Variants in SHANK2 observed in about 807,000 individuals in gnomAD.
SHANK2 encodes SH3 and multiple ankyrin repeat domains protein 2.
A neutral mutation model predicts 133.7 loss-of-function variants in SHANK2; 43 were observed. The ratio of observed to expected loss-of-function variants is 0.32; its 90% CI spans 0.25 to 0.41. The LOEUF is 0.41. Among genes scored for constraint, SHANK2 ranks in the 10% least tolerant of loss-of-function variants. The probability of loss-of-function intolerance (pLI) is 1.00; values close to 1 mark genes in which losing one functional copy is unlikely to be tolerated. For missense variants in SHANK2, 1,994 were observed against 2,235.8 expected (o/e 0.89, Z 2.18); for synonymous variants, 1,017 against 952.8 (o/e 1.07, Z -1.24).
intron 14 of SHANK2, among the ~76,000 whole-genome samples, chr11:70,765,480 G>A (rs1403135694): frequency 6.6e-6 from 1 of 152,226 alleles, no homozygotes; most frequent in Non-Finnish European, 1.5e-5. Context: ...AAAAGAGAAT[G>A]AGAGCTTCTT....
At chr11:70,932,815 G>A (rs945851856) in intron 10 of SHANK2, among the ~76,000 whole-genome samples, 7 of 152,058 alleles carry the variant, frequency 4.6e-5, no homozygotes, top group African/African-American at 1.2e-4. Flanking sequence ...ACCACTTCAC[G>A]TGAATTAGCA....
At chr11:71,074,773 A>ATTTTTT (rs36140840) in intron 9 of SHANK2, among the ~76,000 whole-genome samples, 5 of 92,524 alleles carry the variant, frequency 5.4e-5, no homozygotes, top group East Asian at 3.4e-4. Context: ...ACCTAAGCCA[A>ATTTTTT]TTTTTTTTTT....
chr11:70,701,073 A>G (rs1555023494), intron 14 of SHANK2, among the ~76,000 whole-genome samples: 1 of 152,168 alleles, frequency 6.6e-6, no homozygotes, highest in African/African-American at 2.4e-5. Flanking sequence ...GCTGGGTGCT[A>G]CCAGCTGATT....
intron 17 of SHANK2, among the ~76,000 whole-genome samples, chr11:70,549,506 C>G (rs187963814): frequency 1.4e-4 from 22 of 152,324 alleles, no homozygotes; most frequent in Admixed American, 1.4e-3. Context: ...ATGACATTTG[C>G]GAAGCGAGGT....
intron 11 of SHANK2, among the ~76,000 whole-genome samples, chr11:70,849,722 A>G (rs1298544864): frequency 6.6e-6 from 1 of 152,212 alleles, no homozygotes; most frequent in Non-Finnish European, 1.5e-5. Context: ...ATATGCAAAC[A>G]GCAGTGTTGG....
intron 17 of SHANK2, among the ~76,000 whole-genome samples, chr11:70,619,301 G>A (rs940724315): frequency 2.1e-4 from 32 of 152,228 alleles, no homozygotes; most frequent in African/African-American, 7.7e-4. Flanking sequence ...GCGTTGGCAG[G>A]GCTGGCTCCT....
chr11:71,195,285 G>A (rs934192580), intron 2 of SHANK2, among the ~76,000 whole-genome samples: 12 of 152,126 alleles, frequency 7.9e-5, no homozygotes, highest in South Asian at 2.1e-4. Flanking sequence ...CCAGCTACTC[G>A]GGAGGCTAAG....
At chr11:70,606,773 C>T (rs1055757287) in intron 17 of SHANK2, among the ~76,000 whole-genome samples, 5 of 152,144 alleles carry the variant, frequency 3.3e-5, no homozygotes, top group South Asian at 2.1e-4. Flanking sequence ...GGGCCTCAGG[C>T]GCTTCTGCAG....
chr11:70,567,451 A>G (rs1461107848), intron 17 of SHANK2, among the ~76,000 whole-genome samples: 1 of 152,100 alleles, frequency 6.6e-6, no homozygotes, highest in African/African-American at 2.4e-5. Context: ...AAATGGTGAA[A>G]TCCCGTCTCT....
intron 25 of SHANK2, among the ~76,000 whole-genome samples, chr11:70,476,235 A>C (rs1277714195): frequency 6.6e-6 from 1 of 152,134 alleles, no homozygotes; most frequent in African/African-American, 2.4e-5. Flanking sequence ...CTCAAAAACA[A>C]CAACAACAAC....
At chr11:70,697,753 G>A (rs574522572) in intron 15 of SHANK2, among the ~76,000 whole-genome samples, 3 of 152,332 alleles carry the variant, frequency 2.0e-5, no homozygotes, top group South Asian at 2.1e-4. Context: ...GGAGGTCGGG[G>A]AAGAACCCAG....
chr11:70,650,975 A>G (rs1367084122), intron 17 of SHANK2, among the ~76,000 whole-genome samples: 2 of 152,226 alleles, frequency 1.3e-5, no homozygotes, highest in African/African-American at 4.8e-5. Context: ...TTGAGAACTC[A>G]TGATGCCAGA....
At chr11:70,697,409 G>A (rs1222199496) in intron 15 of SHANK2, among the ~76,000 whole-genome samples, 8 of 152,166 alleles carry the variant, frequency 5.3e-5, no homozygotes, top group Admixed American at 2.0e-4. Flanking sequence ...ATCACGTAGC[G>A]GCTGATTCCA....
At chr11:70,787,650 A>C (rs1224650508) in intron 14 of SHANK2, among the ~76,000 whole-genome samples, 1 of 149,014 alleles carries the variant, frequency 6.7e-6, no homozygotes, top group African/African-American at 2.5e-5. Context: ...ACCGCCACCA[A>C]CACCACCACC....
At chr11:70,539,027 G>A (rs568397252) in intron 17 of SHANK2, among the ~76,000 whole-genome samples, 57 of 152,362 alleles carry the variant, frequency 3.7e-4, no homozygotes, top group Middle Eastern at 3.4e-3. Flanking sequence ...TCTGCCTCTC[G>A]CTCGGGGCCG....
intron 3 of SHANK2, among the ~76,000 whole-genome samples, chr11:71,135,828 G>T (rs1952428498): frequency 1.3e-5 from 2 of 152,208 alleles, no homozygotes; most frequent in Admixed American, 1.3e-4. Flanking sequence ...TGGCCACGGT[G>T]TTCACATGTA....
At chr11:70,703,717 T>C (rs1555024306) in intron 14 of SHANK2, among the ~76,000 whole-genome samples, 1 of 152,166 alleles carries the variant, frequency 6.6e-6, no homozygotes, top group Non-Finnish European at 1.5e-5. Flanking sequence ...ATGCTGGCTG[T>C]TTCCTGCCGC....
chr11:70,749,217 G>T lies in SHANK2; in HGVS notation c.1777+49226C>A, dbSNP rs145452773. Among the ~76,000 whole-genome samples the T allele has an allele frequency of 1.1e-3, 160 of 152,340 alleles. 1 individual carries two copies. The highest frequency in any genetic ancestry group is 3.8e-3 in the African/African-American group (156 of 41,576). On this transcript the variant is annotated intron_variant, in intron 14 of 25. Transcript: ENST00000601538. Reference sequence around the variant, plus strand: ...CAACTGTAGGGGAACTGGGGAGTGAGAGGAGAGCCCTGGAGGGAGAAGAGC... The same window carrying T: ...CAACTGTAGGGGAACTGGGGAGTGATAGGAGAGCCCTGGAGGGAGAAGAGC...
rs147193455 is a variant in SHANK2 at position 70,583,549 on chromosome 11, G to A, written c.2061+76279C>T. On this transcript the variant is annotated intron_variant, in intron 17 of 25. Coordinates refer to ENST00000601538, the MANE Select transcript of SHANK2 (RefSeq NM_012309.5). Reference sequence around the variant, plus strand: ...CTGGCTGACTTCTGGCTCCAAGGAGGGCAGTGCCAGGAAAGCGCAGCTAAA... The same window carrying A: ...CTGGCTGACTTCTGGCTCCAAGGAGAGCAGTGCCAGGAAAGCGCAGCTAAA... Among the ~76,000 whole-genome samples, 48 of 152,294 alleles carry A rather than the reference G, an allele frequency of 3.2e-4. No individual in the cohort carries two copies. In the East Asian group the frequency reaches 9.1e-3, roughly 29 times the overall value.
Sources: allele counts gnomAD v4.1 joint callset (sites outside exome capture counted in the v4.1 genomes callset), GRCh38; gene constraint gnomAD v4.1.1; transcripts MANE v1.5; gene names NCBI Gene and HGNC (gene_info 2026-07-23, HGNC 2026-07-21).